KIF3B: variants seen among roughly 807,000 people sequenced by gnomAD.
KIF3B encodes the protein kinesin family member 3B.
In KIF3B, 38 loss-of-function variants were observed where a neutral mutation model predicts 74.3. The ratio of observed to expected loss-of-function variants is 0.51; its 90% CI spans 0.39 to 0.67. The LOEUF is 0.67. Ranked by LOEUF, KIF3B falls within the 30% of genes least tolerant of loss-of-function variation. The probability of loss-of-function intolerance (pLI) is 0.00; values close to 1 mark genes in which losing one functional copy is unlikely to be tolerated. For synonymous variants in KIF3B, 326 were observed against 342.5 expected, an observed-to-expected ratio of 0.95 and a Z score of 0.53; for missense variants, 649 against 932.0, an observed-to-expected ratio of 0.70 and a Z score of 3.95.
At chr20:32,308,783 T>C (rs1489894670) in intron 1 of KIF3B, among the ~76,000 whole-genome samples, 2 of 150,764 alleles carry the variant, frequency 1.3e-5, no homozygotes, top group Non-Finnish European at 2.9e-5. Flanking sequence ...TGGAGCGCAG[T>C]GCCAGGATCT....
intron 1 of KIF3B, among the ~76,000 whole-genome samples, chr20:32,279,960 G>A (rs1206626151): frequency 2.6e-5 from 4 of 152,210 alleles, no homozygotes; most frequent in Admixed American, 6.5e-5. Flanking sequence ...GCAAAGAGGT[G>A]CTACTTTACC....
chr20:32,316,904 A>G (rs1375117783), intron 5 of KIF3B, 30 bp downstream of exon 5: 1 of 1,454,806 alleles, frequency 6.9e-7, no homozygotes, highest in East Asian at 2.3e-5. Context: ...TAGTGCCCCC[A>G]AGCCACTTGC....
At chr20:32,312,071 G>A (rs912880598) in intron 2 of KIF3B, among the ~76,000 whole-genome samples, 8 of 151,458 alleles carry the variant, frequency 5.3e-5, no homozygotes, top group African/African-American at 1.9e-4. Flanking sequence ...CCCAAGTGCT[G>A]GGATTACAGA....
intron 5 of KIF3B, among the ~76,000 whole-genome samples, chr20:32,326,037 G>C (rs1015740586): frequency 6.6e-6 from 1 of 152,050 alleles, no homozygotes; most frequent in Non-Finnish European, 1.5e-5. Context: ...ATACCTCTGT[G>C]CTGTTTGCTT....
intron 5 of KIF3B, among the ~76,000 whole-genome samples, chr20:32,319,582 G>GTTTTTTTTTTTTTTT (rs34028388): frequency 1.1e-4 from 10 of 92,018 alleles, no homozygotes; most frequent in Non-Finnish European, 1.5e-4. Flanking sequence ...TTTTGTTTTT[G>GTTTTTTTTTTTTTTT]TTTTTTTTTT....
intron 1 of KIF3B, among the ~76,000 whole-genome samples, chr20:32,293,277 A>T (rs2047701768): frequency 6.6e-6 from 1 of 151,402 alleles, no homozygotes; most frequent in Admixed American, 6.6e-5. Context: ...GAATGAATGA[A>T]TGAAAGGAAG....
At chr20:32,302,550 T>C (rs561875688) in intron 1 of KIF3B, among the ~76,000 whole-genome samples, 1 of 152,296 alleles carries the variant, frequency 6.6e-6, no homozygotes, top group East Asian at 1.9e-4. Flanking sequence ...CCCATTGTTT[T>C]GACAGGTAAA....
chr20:32,311,023 G>A lies in KIF3B; in HGVS notation c.1246G>A (p.Glu416Lys), dbSNP rs1464488356. The A allele has an allele frequency of 6.2e-7, 1 of 1,613,638 alleles. No homozygotes were observed. The highest frequency in any genetic ancestry group is 8.5e-7 in the Non-Finnish European group (1 of 1,179,868). Residue 416 changes from glutamate (E) to lysine (K), a missense_variant, in exon 2 of 9, where the codon GAA becomes AAA. By Grantham distance (56) the Glu-to-Lys change is moderately conservative. Coordinates refer to ENST00000375712, the MANE Select transcript of KIF3B (RefSeq NM_004798.4). Reference protein sequence around the residue: ...EGDDKDDYWREQQEKLEIEKR... With the variant: ...EGDDKDDYWRKQQEKLEIEKR... ...GGATGATAAGGATGATTACTGGCGGGAACAGCAAGAAAAACTGGAGATTGA... is the reference window on the plus strand; with the variant it reads ...GGATGATAAGGATGATTACTGGCGGAAACAGCAAGAAAAACTGGAGATTGA...
At chr20:32,284,499 A>G (rs758838292) in intron 1 of KIF3B, among the ~76,000 whole-genome samples, 20 of 152,118 alleles carry the variant, frequency 1.3e-4, no homozygotes, top group Non-Finnish European at 2.8e-4. Context: ...TCAGAAATGC[A>G]GAATCTAGGC....
In KIF3B at chr20:32,277,654, G is replaced by C. The variant is rs1385871057; in HGVS notation, c.-177G>C. ...GTTGCTAAGGAAGTGAGCGGCCACT[G>C]TCTCTCCCCATCCGGGGCAGCGGGG... On this transcript the variant is annotated 5_prime_UTR_variant, in exon 1 of 9. Coordinates refer to ENST00000375712, the MANE Select transcript of KIF3B (RefSeq NM_004798.4). 8.8e-6 allele frequency: 2 copies of C among 226,480 alleles called. No homozygotes were observed. Among genetic ancestry groups the C allele is most frequent in the Admixed American group, 1.2e-4 (2 of 16,820 alleles). The allele number at this position is 226,480 out of a possible 1,614,324, so 14.0% of individuals were successfully genotyped here.
intron 1 of KIF3B, among the ~76,000 whole-genome samples, chr20:32,305,669 G>A (rs1015932330): frequency 1.5e-5 from 2 of 135,620 alleles, no homozygotes; most frequent in Non-Finnish European, 3.0e-5. Context: ...TGCAGCCTCC[G>A]CCTCCCAGGT....
intron 1 of KIF3B, among the ~76,000 whole-genome samples, chr20:32,306,409 T>A (rs769230202): frequency 2.0e-5 from 3 of 151,354 alleles, no homozygotes; most frequent in Admixed American, 2.0e-4. Context: ...AAAAAAAAAA[T>A]TATTGATTGA....
intron 5 of KIF3B, among the ~76,000 whole-genome samples, chr20:32,322,280 T>C (rs774691517): frequency 5.9e-5 from 9 of 152,050 alleles, no homozygotes; most frequent in African/African-American, 1.2e-4. Context: ...GACATTGTTT[T>C]CTTAATTTTA....
In KIF3B at chr20:32,329,537, C is replaced by A. The variant is rs1447969719; in HGVS notation, c.1969-604C>A. On this transcript the variant is annotated intron_variant, in intron 7 of 8. Transcript: ENST00000375712. ...TGTGTGCTGGGCATTGTACCCAGCA[C>A]TTGACTGCTTTCTCTAATTAAGTTT... Among the ~76,000 whole-genome samples, 6 of 152,092 alleles carry A rather than the reference C, an allele frequency of 3.9e-5. No individual in the cohort carries two copies. The East Asian group carries it at 9.6e-4, about 24-fold the overall frequency.
intron 2 of KIF3B, among the ~76,000 whole-genome samples, chr20:32,312,339 G>C (rs912991692): frequency 1.3e-5 from 2 of 151,212 alleles, no homozygotes; most frequent in Admixed American, 1.3e-4. Context: ...TCCTGGGCTC[G>C]AATGATTCTC....
At chr20:32,303,021 C>T (rs1392944182) in intron 1 of KIF3B, among the ~76,000 whole-genome samples, 1 of 151,988 alleles carries the variant, frequency 6.6e-6, no homozygotes, top group Non-Finnish European at 1.5e-5. Flanking sequence ...AACTCATTAA[C>T]CATCGTAGTG....
intron 1 of KIF3B, among the ~76,000 whole-genome samples, chr20:32,309,409 T>TC (rs1241717090): frequency 6.6e-6 from 1 of 151,390 alleles, no homozygotes; most frequent in African/African-American, 2.4e-5. Context: ...TCAAGGAATT[T>TC]CCCTGCCTCG....
intron 5 of KIF3B, among the ~76,000 whole-genome samples, chr20:32,324,771 A>G (rs558617300): frequency 1.1e-3 from 165 of 152,244 alleles, no homozygotes; most frequent in Non-Finnish European, 2.0e-3. Flanking sequence ...GCTCATGCCT[A>G]TAATCCCAGC....
At chr20:32,294,263 A>T (rs1229551227) in intron 1 of KIF3B, among the ~76,000 whole-genome samples, 2 of 152,166 alleles carry the variant, frequency 1.3e-5, no homozygotes, top group South Asian at 4.1e-4. Flanking sequence ...TCTTTGTGTC[A>T]TCAAATGACA....
Sources: gnomAD v4.1 joint callset for allele counts (sites outside exome capture counted in the v4.1 genomes callset) on GRCh38, gnomAD v4.1.1 for gene constraint, MANE v1.5 for transcripts, NCBI Gene and HGNC (gene_info 2026-07-23, HGNC 2026-07-21) for gene names.